The following ERC2 variants were observed in gnomAD, a reference collection of about 807,000 sequenced individuals.
The protein encoded by ERC2 is ELKS/RAB6-interacting/CAST family member 2, also known as ERC protein 2.
In ERC2, 42 loss-of-function variants were observed where a neutral mutation model predicts 114.8. The observed-to-expected ratio is 0.37, with a 90% confidence interval of 0.29 to 0.47. The LOEUF is 0.47. Ranked by LOEUF, ERC2 falls within the 20% of genes least tolerant of loss-of-function variation. ERC2 has a pLI of 0.99. For synonymous variants in ERC2, 454 were observed against 425.5 expected (o/e 1.07, Z -0.82); for missense variants, 939 against 1,150.7 (o/e 0.82, Z 2.66).
chr3:56,106,150 G>A (rs945501386), intron 6 of ERC2, among the ~76,000 whole-genome samples: 4 of 152,160 alleles, frequency 2.6e-5, no homozygotes, highest in African/African-American at 9.7e-5. Flanking sequence ...TCTTAATAAA[G>A]TAGGATCCCT....
At chr3:55,756,516 C>T (rs1033062105) in intron 14 of ERC2, among the ~76,000 whole-genome samples, 12 of 152,088 alleles carry the variant, frequency 7.9e-5, no homozygotes, top group Non-Finnish European at 1.5e-4. Flanking sequence ...ACTGTTTTTC[C>T]GGTTAGTTTA....
At chr3:56,416,653 CA>C (rs897147929) in intron 2 of ERC2, among the ~76,000 whole-genome samples, 5 of 109,248 alleles carry the variant, frequency 4.6e-5, no homozygotes, top group Non-Finnish European at 7.2e-5. Context: ...AACAACAAAA[CA>C]TGATTAAAAA....
At chr3:56,406,051 C>T (rs2060713513) in intron 2 of ERC2, among the ~76,000 whole-genome samples, 1 of 151,924 alleles carries the variant, frequency 6.6e-6, no homozygotes, top group Non-Finnish European at 1.5e-5. Flanking sequence ...TGCCACCATG[C>T]TCAGCTAATT....
chr3:56,185,765 G>C (rs2083558290), intron 3 of ERC2, among the ~76,000 whole-genome samples: 2 of 152,138 alleles, frequency 1.3e-5, no homozygotes, highest in African/African-American at 4.8e-5. Flanking sequence ...TTGTAATTAA[G>C]ATTACAGACA....
intron 15 of ERC2, among the ~76,000 whole-genome samples, chr3:55,712,834 T>G (rs1300716010): frequency 6.6e-6 from 1 of 152,156 alleles, no homozygotes; most frequent in Non-Finnish European, 1.5e-5. Context: ...TTCTCTCAAC[T>G]AGTCACTCCC....
intron 2 of ERC2, among the ~76,000 whole-genome samples, chr3:56,331,179 C>A (rs1299437275): frequency 6.6e-6 from 1 of 152,162 alleles, no homozygotes; most frequent in East Asian, 1.9e-4. Flanking sequence ...TAGCAAGAAT[C>A]TCACAAAGTC....
intron 3 of ERC2, among the ~76,000 whole-genome samples, chr3:56,251,555 T>G (rs1437046612): frequency 6.6e-6 from 1 of 152,098 alleles, no homozygotes; most frequent in East Asian, 1.9e-4. Context: ...AGTGGGCAAA[T>G]GAGGTGGCTG....
intron 14 of ERC2, among the ~76,000 whole-genome samples, chr3:55,863,753 C>G (rs1331082899): frequency 1.3e-5 from 2 of 151,988 alleles, no homozygotes; most frequent in African/African-American, 4.8e-5. Context: ...TATTTTTATT[C>G]AACCCAAAGT....
chr3:55,867,723 T>C (rs905406398), intron 14 of ERC2, among the ~76,000 whole-genome samples: 1 of 152,214 alleles, frequency 6.6e-6, no homozygotes, highest in Admixed American at 6.5e-5. Context: ...ATTTCTATTT[T>C]TTTAAAAAGA....
At chr3:55,666,949 T>C (rs2061379307) in intron 17 of ERC2, among the ~76,000 whole-genome samples, 1 of 152,158 alleles carries the variant, frequency 6.6e-6, no homozygotes, top group Non-Finnish European at 1.5e-5. Context: ...ATATTAGTTA[T>C]TATGTAACGA....
chr3:55,835,080 A>G (rs1423392064), intron 14 of ERC2, among the ~76,000 whole-genome samples: 1 of 152,092 alleles, frequency 6.6e-6, no homozygotes, highest in East Asian at 1.9e-4. Flanking sequence ...TAGACCAATA[A>G]CAGGCTCTGA....
rs1016677642 is a variant in ERC2, at chr3:55,508,824, G to A, written c.*2492C>T. The A allele has an allele frequency of 1.3e-5, 2 of 152,202 alleles. No individual in the cohort carries two copies. The highest frequency in any genetic ancestry group is 1.3e-4 in the Admixed American group (2 of 15,204). 9.4% of individuals were successfully genotyped at this position (152,202 alleles called of 1,614,324 possible). On this transcript the variant is annotated 3_prime_UTR_variant, in exon 18 of 18. Transcript: ENST00000288221. ...GAGACTGTACATCGAAATCAAATGG[G>A]GTATAAAGCACAAGCCTGCTTTTGC...
At chr3:55,789,093 G>A (rs1047180146) in intron 14 of ERC2, among the ~76,000 whole-genome samples, 4 of 152,252 alleles carry the variant, frequency 2.6e-5, no homozygotes, top group African/African-American at 9.6e-5. Flanking sequence ...TTGTCGTCGT[G>A]TTACAATAGT....
At chr3:56,343,663 A>G (rs2058191926) in intron 2 of ERC2, among the ~76,000 whole-genome samples, 1 of 152,184 alleles carries the variant, frequency 6.6e-6, no homozygotes, top group Non-Finnish European at 1.5e-5. Flanking sequence ...TTTAGTTAAT[A>G]TGACTTGCTC....
chr3:55,543,521 G>A (rs564293199), intron 17 of ERC2, among the ~76,000 whole-genome samples: 7 of 152,278 alleles, frequency 4.6e-5, no homozygotes, highest in Non-Finnish European at 8.8e-5. Flanking sequence ...GCGGGTTAGC[G>A]GTTGGCCTCC....
At chr3:55,566,454 G>A (rs66620549) in intron 17 of ERC2, among the ~76,000 whole-genome samples, 27,238 of 149,326 alleles carry the variant, frequency 0.18, 2,741 homozygotes, top group Middle Eastern at 0.26. Flanking sequence ...ATGGAGTCTC[G>A]CTCTGTTGCC....
At chr3:55,693,144 G>C (rs13063537) in intron 16 of ERC2, among the ~76,000 whole-genome samples, 26,257 of 152,222 alleles carry the variant, frequency 0.17, 2,983 homozygotes, top group Non-Finnish European at 0.25. Context: ...TCCACAGACA[G>C]ATTCTGGAAA....
chr3:55,549,265 C>T (rs115924554), intron 17 of ERC2, among the ~76,000 whole-genome samples: 3,610 of 151,938 alleles, frequency 0.024, 88 homozygotes, highest in African/African-American at 0.058. Context: ...CCTGTGAGGA[C>T]GAAATGAGGT....
chr3:55,784,115 C>A (rs1485558520), intron 14 of ERC2, among the ~76,000 whole-genome samples: 1 of 152,114 alleles, frequency 6.6e-6, no homozygotes, highest in East Asian at 1.9e-4. Flanking sequence ...GGAATAATTT[C>A]TCACAGTTTA....
Sources: gnomAD v4.1 joint callset for allele counts (sites outside exome capture counted in the v4.1 genomes callset) on GRCh38, gnomAD v4.1.1 for gene constraint, MANE v1.5 for transcripts, NCBI Gene and HGNC (gene_info 2026-07-23, HGNC 2026-07-21) for gene names.